ITPKA: variants seen among roughly 807,000 people sequenced by gnomAD.
ITPKA encodes the protein inositol-trisphosphate 3-kinase A, also known as IP3 3-kinase A.
ITPKA carries 16 observed loss-of-function variants against 40.7 expected under a neutral mutation model. The observed-to-expected ratio is 0.39, with a 90% CI of 0.27 to 0.60. ITPKA has a LOEUF of 0.60. ITPKA is among the 20% of genes least tolerant of loss of function. The pLI, the probability that ITPKA is intolerant of heterozygous loss-of-function variation, is 0.50. For missense variants in ITPKA, 540 were observed against 649.3 expected (o/e 0.83, Z 1.83); for synonymous variants, 313 against 289.9 (o/e 1.08, Z -0.81).
rs749490354 is a variant in ITPKA at position 41,494,237 on chromosome 15, G to C, written c.310G>C (p.Asp104His). The change falls in exon 1 of 7, where the codon GAC becomes CAC. Residue 104 changes from aspartate (D) to histidine (H), a missense_variant. By Grantham distance (81) the Asp-to-His change is moderately conservative. Coordinates refer to ENST00000260386, the MANE Select transcript of ITPKA (RefSeq NM_002220.3). This position sits in a 1 kb window ranked among gnomAD's most constrained non-coding sequence, Gnocchi z 7.8. ...CCCTGGGCCGCCGGAGCGGGAGAGG[G>C]ACTGCCTCCCGGCAGCGGGCTCTTC... ...TSPGPPERER[D>H]CLPAAGSSHL... The C allele has an allele frequency of 9.7e-6, 15 of 1,541,732 alleles. No homozygotes were observed. Among genetic ancestry groups the C allele is most frequent in the Non-Finnish European group, 1.1e-5 (13 of 1,151,570 alleles).
In ITPKA at chr15:41,503,436, G is replaced by GCTCT. The variant is rs1414268130; in HGVS notation, c.*271_*274dup. 1.8e-5 allele frequency: 11 copies of GCTCT among 615,102 alleles called. No homozygotes were observed. Among genetic ancestry groups the GCTCT allele is most frequent in the African/African-American group, 3.6e-5 (2 of 55,522 alleles). 38.1% of individuals were successfully genotyped at this position (615,102 alleles called of 1,614,324 possible). Reference sequence around the variant, plus strand: ...TCCTCAGGCCAGCTCTTCTGAGGAGGCTCTGCCCTCTCCAGAGGTGCCAGA... The same window carrying GCTCT: ...TCCTCAGGCCAGCTCTTCTGAGGAGGCTCTCTCTGCCCTCTCCAGAGGTGCCAGA... On this transcript the variant is annotated 3_prime_UTR_variant, in exon 7 of 7. Coordinates refer to ENST00000260386, the MANE Select transcript of ITPKA (RefSeq NM_002220.3).
chr15:41,497,446 TC>T (rs2051081295), intron 1 of ITPKA, among the ~76,000 whole-genome samples: 1 of 152,180 alleles, frequency 6.6e-6, no homozygotes, highest in Non-Finnish European at 1.5e-5. Flanking sequence ...CAGGCTGCTC[TC>T]GAACTCCTGA....
In ITPKA at chr15:41,493,916, C is replaced by T. The variant is rs1330679537; in HGVS notation, c.-12C>T. The T allele has an allele frequency of 9.9e-7, 1 of 1,011,116 alleles. No individual in the cohort carries two copies. Among genetic ancestry groups the T allele is most frequent in the African/African-American group, 1.8e-5 (1 of 57,140 alleles). 62.6% of individuals were successfully genotyped at this position (1,011,116 alleles called of 1,614,324 possible). On this transcript the variant is annotated 5_prime_UTR_variant, in exon 1 of 7. Transcript: ENST00000260386. ...GGGCTGGTGGGCTCAGCGGCGGCGCCGGCACTGGGAAATGACCCTGCCCGG... is the reference window on the plus strand; with the variant it reads ...GGGCTGGTGGGCTCAGCGGCGGCGCTGGCACTGGGAAATGACCCTGCCCGG...
Position 41,502,506 on chromosome 15 carries a change from G to A in ITPKA, c.1110+3G>A. 6.5e-7 allele frequency: 1 copy of A among 1,543,224 alleles called. No homozygotes were observed. Among genetic ancestry groups the A allele is most frequent in the African/African-American group, 1.4e-5 (1 of 73,618 alleles). On this transcript the variant is annotated splice_donor_region_variant and intron_variant, in intron 5 of 6. Transcript: ENST00000260386. ...TGCAAGGAGATGAGGAAGTGCTGGT[G>A]AGAGCGGGATCCCAAACCCTGAGGT...
intron 4 of ITPKA, 26 bp downstream of exon 4, chr15:41,502,227 C>T (rs1479103827): frequency 7.1e-6 from 11 of 1,546,662 alleles, no homozygotes; most frequent in African/African-American, 1.4e-5. Flanking sequence ...TTCGCTGGCA[C>T]CGCCGCAGCC....
At chr15:41,499,748 C>T (rs762688936) in intron 1 of ITPKA, among the ~76,000 whole-genome samples, 29 of 152,114 alleles carry the variant, frequency 1.9e-4, no homozygotes, top group Non-Finnish European at 3.8e-4. Flanking sequence ...CATGAGCCAA[C>T]CTGTGTACTT....
At chr15:41,499,640 C>T (rs1008604159) in intron 1 of ITPKA, among the ~76,000 whole-genome samples, 13 of 152,342 alleles carry the variant, frequency 8.5e-5, no homozygotes, top group Admixed American at 8.5e-4. Context: ...CCTCTTAGAA[C>T]TCCCTCTTGT....
rs1026022196 is a variant in ITPKA, at chr15:41,503,322, C to T, written c.*156C>T. 3 of 635,180 alleles carry T rather than the reference C, an allele frequency of 4.7e-6. No homozygotes were observed. Among genetic ancestry groups the T allele is most frequent in the African/African-American group, 3.7e-5 (2 of 54,470 alleles). The allele number at this position is 635,180 out of a possible 1,614,324, so 39.3% of individuals were successfully genotyped here. On this transcript the variant is annotated 3_prime_UTR_variant, in exon 7 of 7. Transcript: ENST00000260386. ...GCCAGCCACTAAGGGGGGGCACCGC[C>T]GATGCCAGGGGTTTTGCCCACCCGG...
At position 41,502,096 on chromosome 15, in the gene ITPKA, G is replaced by C. The variant is rs777623202; in HGVS notation, c.903G>C (p.Thr301=). 5 of 1,612,596 alleles carry C rather than the reference G, an allele frequency of 3.1e-6. No individual in the cohort carries two copies. Among genetic ancestry groups the C allele is most frequent in the Non-Finnish European group, 4.2e-6 (5 of 1,179,732 alleles). The change falls in exon 4 of 7, where the codon ACG becomes ACC. Residue 301 remains threonine (T), a synonymous_variant. Coordinates refer to ENST00000260386, the MANE Select transcript of ITPKA (RefSeq NM_002220.3). ...TGGCGGTGGATCCTGAAGCTCCCAC[G>C]GAGGAGGAGCACGCGCAGCGCGCCG... The part of the protein sequence containing the change: ...KMLAVDPEAP[T]EEEHAQRAVT...
At chr15:41,500,171 G>A (rs545670764) in intron 1 of ITPKA, among the ~76,000 whole-genome samples, 42 of 152,312 alleles carry the variant, frequency 2.8e-4, no homozygotes, top group African/African-American at 9.9e-4. Context: ...ATGTTGGCTA[G>A]GATGGTCTTG....
Position 41,501,772 on chromosome 15 carries a change from G to A in ITPKA, c.724G>A (p.Gly242Ser), listed in dbSNP as rs773894528. The A allele has an allele frequency of 1.9e-6, 3 of 1,612,978 alleles. No individual in the cohort carries two copies. Among genetic ancestry groups the A allele is most frequent in the Admixed American group, 1.7e-5 (1 of 59,990 alleles). ...CTTCCACGGCGTGGTGGAGCGCGAC[G>A]GCGAAAGCTACCTGCAGCTGCAGGA... is the stretch of plus-strand genomic sequence containing the variant. ...PAFHGVVERD[G>S]ESYLQLQDLL... The change falls in exon 3 of 7, where the codon GGC becomes AGC. Residue 242 changes from glycine (G) to serine (S), a missense_variant. Transcript: ENST00000260386.
At chr15:41,495,462 A>G (rs1486503252) in intron 1 of ITPKA, among the ~76,000 whole-genome samples, 1 of 152,192 alleles carries the variant, frequency 6.6e-6, no homozygotes, top group Non-Finnish European at 1.5e-5. Flanking sequence ...GGGACAAGGC[A>G]GGGAAGCTGT....
chr15:41,494,151 C>T lies in ITPKA; in HGVS notation c.224C>T (p.Pro75Leu). The T allele has an allele frequency of 2.0e-6, 3 of 1,473,064 alleles. No individual in the cohort carries two copies. Among genetic ancestry groups the T allele is most frequent in the Admixed American group, 2.3e-5 (1 of 44,212 alleles). The allele number at this position is 1,473,064 out of a possible 1,614,324, so 91.2% of individuals were successfully genotyped here. A position where few individuals can be genotyped will look rare whatever the true frequency, so the allele number is the denominator to read the frequency against. ...CCCAACGGGCTTCCGCGGGCTCCCC[C>T]GGCCCCGGTGATCCCTCAGCTGACC... ...QVPNGLPRAP[P>L]APVIPQLTVT... is the part of the protein sequence containing the mutation. The change falls in exon 1 of 7, where the codon CCG (proline) becomes CTG (leucine). Residue 75 changes from proline (P) to leucine (L), a missense_variant. Transcript: ENST00000260386. The surrounding 1 kb of genome is among the most constrained non-coding windows in gnomAD (Gnocchi z 7.8).
chr15:41,494,398 G>A lies in ITPKA; in HGVS notation c.471G>A (p.Ala157=). Residue 157 remains alanine (A), a synonymous_variant, in exon 1 of 7, where the codon GCG becomes GCA. Coordinates refer to ENST00000260386, the MANE Select transcript of ITPKA (RefSeq NM_002220.3). This position sits in a 1 kb window ranked among gnomAD's most constrained non-coding sequence, Gnocchi z 7.8. The part of the protein sequence containing the change: ...SRSRGNVQLE[A]GEDVGQKNHW... ...GCCGCGGCAACGTGCAGCTGGAAGC[G>A]GGCGAGGACGTGGGTCAGGTACGGG... 1.4e-6 allele frequency: 2 copies of A among 1,479,198 alleles called. No homozygotes were observed. The highest frequency in any genetic ancestry group is 1.8e-6 in the Non-Finnish European group (2 of 1,116,352). The allele number at this position is 1,479,198 out of a possible 1,614,324, so 91.6% of individuals were successfully genotyped here.
chr15:41,502,612 C>T (rs956197612), intron 5 of ITPKA, 109 bp downstream of exon 5: 4 of 914,260 alleles, frequency 4.4e-6, no homozygotes, highest in South Asian at 1.5e-5. Context: ...GCCCTCACCG[C>T]GCTGGCTCGC....
chr15:41,497,728 A>C (rs1203515906), intron 1 of ITPKA, among the ~76,000 whole-genome samples: 1 of 152,084 alleles, frequency 6.6e-6, no homozygotes, highest in African/African-American at 2.4e-5. Context: ...AGGTATGAAA[A>C]TCTTTTGTAG....
chr15:41,501,038 C>T (rs1478086067), intron 1 of ITPKA, among the ~76,000 whole-genome samples: 2 of 148,522 alleles, frequency 1.3e-5, no homozygotes, highest in African/African-American at 2.5e-5. Flanking sequence ...AAAAAAATGG[C>T]CCTACTCTAG....
chr15:41,503,280 G>A lies in ITPKA; in HGVS notation c.*114G>A, dbSNP rs1052345758. 17 of 789,316 alleles carry A rather than the reference G, an allele frequency of 2.2e-5. No individual in the cohort carries two copies. The highest frequency in any genetic ancestry group is 3.2e-5 in the Non-Finnish European group (16 of 507,266). The allele number at this position is 789,316 out of a possible 1,614,324, so 48.9% of individuals were successfully genotyped here. On this transcript the variant is annotated 3_prime_UTR_variant, in exon 7 of 7. Coordinates refer to ENST00000260386, the MANE Select transcript of ITPKA (RefSeq NM_002220.3). ...CCCGCGGTGCAGGGCAGTTCACCGGGTCCTGCAGGACCAGGTGCCAGCCAC... is the reference window on the plus strand; with the variant it reads ...CCCGCGGTGCAGGGCAGTTCACCGGATCCTGCAGGACCAGGTGCCAGCCAC...
rs2051116532 is a variant in ITPKA at position 41,502,033 on chromosome 15, G to A, written c.840G>A (p.Glu280=). ...YLEEELTKAR[E]RPKLRKDMYK... ...AGGAGGAGCTGACCAAGGCCCGTGA[G>A]CGGCCCAAGCTGCGGAAGGACATGT... The change falls in exon 4 of 7, where the codon GAG becomes GAA. Residue 280 remains glutamate (E), a synonymous_variant. Transcript: ENST00000260386. The A allele has an allele frequency of 4.3e-6, 7 of 1,613,380 alleles. No homozygotes were observed. Among genetic ancestry groups the A allele is most frequent in the Non-Finnish European group, 5.9e-6 (7 of 1,179,948 alleles).
Sources: gnomAD v4.1 joint callset for allele counts (sites outside exome capture counted in the v4.1 genomes callset) on GRCh38, gnomAD v4.1.1 for gene constraint, Gnocchi (gnomAD v3.1) non-coding constraint, MANE v1.5 for transcripts, NCBI Gene and HGNC (gene_info 2026-07-23, HGNC 2026-07-21) for gene names.